RALB: variants seen among roughly 807,000 people sequenced by gnomAD.
RALB encodes the protein RAS like proto-oncogene B.
RALB carries 16 observed loss-of-function variants against 21.3 expected under a neutral mutation model. The ratio of observed to expected loss-of-function variants is 0.75; its 90% CI spans 0.51 to 1.14. The LOEUF is 1.14. Among genes scored for constraint, RALB ranks in the 50% most tolerant of loss-of-function variants. The pLI is 0.00. For missense variants in RALB, 161 were observed against 256.2 expected, an observed-to-expected ratio of 0.63 and a Z score of 2.54; for synonymous variants, 93 against 96.1, an observed-to-expected ratio of 0.97 and a Z score of 0.19.
intron 1 of RALB, among the ~76,000 whole-genome samples, chr2:120,256,339 ATAAT>A (rs1689198755): frequency 7.7e-6 from 1 of 129,136 alleles, no homozygotes; most frequent in South Asian, 2.5e-4. Flanking sequence ...AATGAATATG[ATAAT>A]GATCAAGATG....
In RALB at chr2:120,293,290, T is replaced by C. The variant is rs1558959541; in HGVS notation, c.*30T>C. 6.3e-7 allele frequency: 1 copy of C among 1,598,466 alleles called. No individual in the cohort carries two copies. Among genetic ancestry groups the C allele is most frequent in the Non-Finnish European group, 8.5e-7 (1 of 1,172,114 alleles). On this transcript the variant is annotated 3_prime_UTR_variant, in exon 5 of 5. Transcript: ENST00000272519. The stretch of plus-strand genomic sequence containing the variant: ...CAAGGTGACGGATGAAGCCAGCTGC[T>C]CCTAAGGACACAGGGCTGGGTTGGT...
At chr2:120,252,300 C>A (rs149369824), upstream of RALB, among the ~76,000 whole-genome samples, 1 of 152,214 alleles carries the variant, frequency 6.6e-6, no homozygotes. Context: ...CAGTCTCCGC[C>A]ATGCACTCAC....
At chr2:120,280,075 T>C (rs58030254) in intron 2 of RALB, among the ~76,000 whole-genome samples, 35,982 of 151,940 alleles carry the variant, frequency 0.24, 6,614 homozygotes, top group African/African-American at 0.52. Context: ...GGGTGGATCC[T>C]GATGCGAACC....
chr2:120,275,839 G>C (rs1220502699), intron 1 of RALB, among the ~76,000 whole-genome samples: 1 of 152,200 alleles, frequency 6.6e-6, no homozygotes, highest in Non-Finnish European at 1.5e-5. Flanking sequence ...GTGAGGTTTA[G>C]AGCAGAAATT....
intron 1 of RALB, among the ~76,000 whole-genome samples, chr2:120,272,342 A>C (rs1247891306): frequency 1.3e-5 from 2 of 152,180 alleles, no homozygotes; most frequent in Non-Finnish European, 2.9e-5. Context: ...GGGAAGTCTA[A>C]TTGCTTTGGG....
chr2:120,269,165 C>A (rs1478839744), intron 1 of RALB, among the ~76,000 whole-genome samples: 1 of 152,080 alleles, frequency 6.6e-6, no homozygotes, highest in Non-Finnish European at 1.5e-5. Context: ...ACAGAATGAA[C>A]CTGCAGACCT....
In RALB at chr2:120,293,343, C is replaced by CT. The variant is rs1690350997; in HGVS notation, c.*85dup. 4 of 1,371,102 alleles carry CT rather than the reference C, an allele frequency of 2.9e-6. No homozygotes were observed. The highest frequency in any genetic ancestry group is 3.8e-6 in the Non-Finnish European group (4 of 1,039,674). 84.9% of individuals were successfully genotyped at this position (1,371,102 alleles called of 1,614,324 possible). On this transcript the variant is annotated 3_prime_UTR_variant, in exon 5 of 5. Transcript: ENST00000272519. Reference sequence around the variant, plus strand: ...AGAGAAGGCTATGGTTGACTTCTTGCTTGTGCTTCCCACTCTCCCCGACTT... The same window carrying CT: ...AGAGAAGGCTATGGTTGACTTCTTGCTTTGTGCTTCCCACTCTCCCCGACTT...
intron 2 of RALB, among the ~76,000 whole-genome samples, chr2:120,279,441 G>GA (rs541264264): frequency 2.2e-3 from 331 of 151,774 alleles, no homozygotes; most frequent in African/African-American, 7.8e-3. Flanking sequence ...AAATATTCGG[G>GA]AAAAAAACCC....
intron 2 of RALB, among the ~76,000 whole-genome samples, chr2:120,279,553 T>C (rs904795037): frequency 3.9e-5 from 6 of 152,198 alleles, no homozygotes; most frequent in African/African-American, 1.4e-4. Flanking sequence ...TTATAAGTAA[T>C]CTAGAGATGA....
chr2:120,281,819 G>T (rs929123851), intron 2 of RALB, among the ~76,000 whole-genome samples: 2 of 152,150 alleles, frequency 1.3e-5, no homozygotes, highest in African/African-American at 2.4e-5. Flanking sequence ...GGGAAGAGAG[G>T]GGGTGGTGAG....
Position 120,252,944 on chromosome 2 carries a change from C to A in RALB, c.-84C>A. The A allele has an allele frequency of 1.0e-6, 1 of 985,600 alleles. No homozygotes were observed. The highest frequency in any genetic ancestry group is 1.2e-6 in the Non-Finnish European group (1 of 830,300). 61.1% of individuals were successfully genotyped at this position (985,600 alleles called of 1,614,324 possible). On this transcript the variant is annotated 5_prime_UTR_variant, in exon 1 of 5. Transcript: ENST00000272519. ...CGGGGCGCGTTTAAGAGCTGCGGGC[C>A]GGGTGCGGACGGCGGAGGCGGCGGG...
chr2:120,285,777 T>C, intron 2 of RALB, 97 bp from the exon 3 acceptor site: 1 of 937,762 alleles, frequency 1.1e-6, no homozygotes, highest in Non-Finnish European at 1.7e-6. Flanking sequence ...TAGTGTCCTG[T>C]TCATAGTGTG....
chr2:120,263,582 C>T (rs1462826219), intron 1 of RALB, among the ~76,000 whole-genome samples: 3 of 149,906 alleles, frequency 2.0e-5, no homozygotes, highest in Admixed American at 6.6e-5. Context: ...ATTTTTGAGA[C>T]GAAGTCTCGC....
At chr2:120,285,067 A>G (rs1488794797) in intron 2 of RALB, among the ~76,000 whole-genome samples, 2 of 152,188 alleles carry the variant, frequency 1.3e-5, no homozygotes, top group Non-Finnish European at 2.9e-5. Context: ...GGTAGTTTAT[A>G]AAGAAAAGAG....
intron 2 of RALB, chr2:120,280,756 T>G (rs937129253): frequency 3.5e-6 from 1 of 286,546 alleles, no homozygotes; most frequent in South Asian, 2.9e-5. Flanking sequence ...TGAAAGAACC[T>G]CTTCTAAGCT....
intron 1 of RALB, among the ~76,000 whole-genome samples, chr2:120,259,045 G>C (rs1042335852): frequency 1.3e-5 from 2 of 152,028 alleles, no homozygotes; most frequent in African/African-American, 4.8e-5. Flanking sequence ...GGAGTTGTTC[G>C]TTCCTCCCGG....
At chr2:120,289,445 C>G (rs1690253473) in intron 3 of RALB, 135 bp from the exon 4 acceptor site, 2 of 903,468 alleles carry the variant, frequency 2.2e-6, no homozygotes, top group African/African-American at 1.7e-5. Flanking sequence ...AGTGCTTTCT[C>G]AGAACATGCC....
chr2:120,249,306 T>TA (rs1166729026), upstream of RALB, among the ~76,000 whole-genome samples: 3 of 152,234 alleles, frequency 2.0e-5, no homozygotes, highest in African/African-American at 4.8e-5. Context: ...GTGCTGGAAT[T>TA]ACAGGCGTGA....
rs1342500203 is a variant in RALB, at chr2:120,286,020, A to G, written c.261A>G (p.Glu87=). 4.3e-6 allele frequency: 7 copies of G among 1,613,956 alleles called. No homozygotes were observed. Among genetic ancestry groups the G allele is most frequent in the Non-Finnish European group, 4.2e-6 (5 of 1,180,012 alleles). Residue 87 remains glutamate (E), a synonymous_variant, in exon 3 of 5, where the codon GAA becomes GAG. Coordinates refer to ENST00000272519, the MANE Select transcript of RALB (RefSeq NM_002881.3). ...AIRDNYFRSG[E]GFLLVFSITE... ...GAGATAACTACTTTCGGAGTGGGGA[A>G]GGGTTTCTTCTTGTGTTCTCAATCA...
Sources: allele counts gnomAD v4.1 joint callset (sites outside exome capture counted in the v4.1 genomes callset), GRCh38; gene constraint gnomAD v4.1.1; transcripts MANE v1.5; gene names NCBI Gene and HGNC (gene_info 2026-07-23, HGNC 2026-07-21).